TERF2IP: variants seen among roughly 807,000 people sequenced by gnomAD.
TERF2IP encodes the protein TERF2 interacting protein, also known as telomeric repeat-binding factor 2-interacting protein 1.
TERF2IP carries 35 observed loss-of-function variants against 33.3 expected under a neutral mutation model. That is an observed-to-expected ratio of 1.05 (90% CI 0.80 to 1.39). The LOEUF (loss-of-function observed/expected upper bound fraction) is 1.39, where lower values mean the gene tolerates loss of function less well. Among genes scored for constraint, TERF2IP ranks in the 40% most tolerant of loss-of-function variants. The pLI, the probability that TERF2IP is intolerant of heterozygous loss-of-function variation, is 0.00. For synonymous variants in TERF2IP, 253 were observed against 223.2 expected (o/e 1.13, Z -1.19); for missense variants, 583 against 524.8 (o/e 1.11, Z -1.08).
rs2082309895 is a variant in TERF2IP, at chr16:75,647,819, G to C, written c.-64G>C. ...GGCGTCTGCGGTGACAGCTCAGTCA[G>C]TTGAGCTCTGTGTGCCAGGCGCTCG... On this transcript the variant is annotated 5_prime_UTR_variant, in exon 1 of 3. Transcript: ENST00000300086. 6.3e-7 allele frequency: 1 copy of C among 1,590,130 alleles called. No individual in the cohort carries two copies. The highest frequency in any genetic ancestry group is 1.3e-5 in the African/African-American group (1 of 74,322).
chr16:75,656,563 A>G lies in TERF2IP; in HGVS notation c.1152A>G (p.Lys384=). Residue 384 remains lysine, a synonymous_variant, in exon 3 of 3, where the codon AAA becomes AAG. Coordinates refer to ENST00000300086, the MANE Select transcript of TERF2IP (RefSeq NM_018975.4). The part of the protein sequence containing the change: ...DEDTREALVK[K]FGAQNVARRI... ...ATACCAGAGAGGCATTGGTCAAAAA[A>G]TTTGGTGCTCAGAATGTAGCTCGGA... is the stretch of plus-strand genomic sequence containing the variant. The G allele has an allele frequency of 6.2e-7, 1 of 1,613,240 alleles. No homozygotes were observed. The highest frequency in any genetic ancestry group is 8.5e-7 in the Non-Finnish European group (1 of 1,179,552).
chr16:75,648,597 G>A (rs1264614008), intron 1 of TERF2IP, 45 bp downstream of exon 1: 2 of 1,476,544 alleles, frequency 1.4e-6, no homozygotes, highest in Non-Finnish European at 1.8e-6. Flanking sequence ...TGCGCGGGTG[G>A]GGTTGGGATC....
At position 75,648,553 on chromosome 16, in the gene TERF2IP, G is replaced by C. The variant is rs985541014; in HGVS notation, c.670+1G>C. The stretch of plus-strand genomic sequence containing the variant: ...GACCCGGAGGCCGCGGATAGCGGGG[G>C]TGAGGAGGCTGAGCGCGGGGCCTCG... On this transcript the variant is annotated splice_donor_variant, in intron 1 of 2. Coordinates refer to ENST00000300086, the MANE Select transcript of TERF2IP (RefSeq NM_018975.4). LOFTEE classifies it high-confidence loss of function. The C allele has an allele frequency of 6.3e-5, 97 of 1,547,470 alleles. No individual in the cohort carries two copies. The highest frequency in any genetic ancestry group is 8.4e-5 in the Non-Finnish European group (96 of 1,143,104).
At position 75,648,292 on chromosome 16, in the gene TERF2IP, C is replaced by T. The variant is rs1017889216; in HGVS notation, c.410C>T (p.Thr137Met). ...CGGCACGCCGGGCGGATCGCCTTCA[C>T]GGATGCGGACGACGTAGCCATCCTT... is the stretch of plus-strand genomic sequence containing the variant. ...PQRHAGRIAFTDADDVAILTY... is the reference protein window; with the variant it reads ...PQRHAGRIAFMDADDVAILTY... The change falls in exon 1 of 3, where the codon ACG becomes ATG. Residue 137 changes from threonine (T) to methionine (M), a missense_variant. Coordinates refer to ENST00000300086, the MANE Select transcript of TERF2IP (RefSeq NM_018975.4). The T allele has an allele frequency of 3.2e-6, 5 of 1,552,914 alleles. No individual in the cohort carries two copies. In the African/African-American group the frequency reaches 6.8e-5, roughly 21 times the overall value.
At chr16:75,653,100 C>CT (rs1042235805) in intron 1 of TERF2IP, among the ~76,000 whole-genome samples, 1 of 151,962 alleles carries the variant, frequency 6.6e-6, no homozygotes, top group Admixed American at 6.6e-5. Flanking sequence ...AATTTGATTC[C>CT]TTTTTAAAGG....
intron 1 of TERF2IP, among the ~76,000 whole-genome samples, chr16:75,649,006 C>T (rs926185013): frequency 6.6e-6 from 1 of 151,774 alleles, no homozygotes; most frequent in African/African-American, 2.4e-5. Flanking sequence ...GAACTACACT[C>T]CCGCGCCACC....
At position 75,648,246 on chromosome 16, in the gene TERF2IP, G is replaced by A; in HGVS notation, c.364G>A (p.Ala122Thr). 6.5e-7 allele frequency: 1 copy of A among 1,545,140 alleles called. No homozygotes were observed. The highest frequency in any genetic ancestry group is 8.7e-7 in the Non-Finnish European group (1 of 1,144,846). Residue 122 changes from alanine (A) to threonine (T), a missense_variant, in exon 1 of 3, where the codon GCC becomes ACC. Ala to Thr is a moderately conservative substitution (Grantham distance 58). Coordinates refer to ENST00000300086, the MANE Select transcript of TERF2IP (RefSeq NM_018975.4). ...AAAGCCCGGGGCCCTGGCCGAGGGC[G>A]CCGCGGAGCCGGAGCCGCAGCGGCA... ...EAKPGALAEGAAEPEPQRHAG... is the reference protein window; with the variant it reads ...EAKPGALAEGTAEPEPQRHAG...
chr16:75,648,637 G>T, intron 1 of TERF2IP, 85 bp downstream of exon 1: 2 of 1,446,080 alleles, frequency 1.4e-6, no homozygotes, highest in Admixed American at 2.7e-5. Flanking sequence ...GTCCATCTTG[G>T]CATCTTCGGT....
chr16:75,656,229 T>G lies in TERF2IP; in HGVS notation c.818T>G (p.Phe273Cys). 5 of 1,608,884 alleles carry G rather than the reference T, an allele frequency of 3.1e-6. No homozygotes were observed. Among genetic ancestry groups the G allele is most frequent in the Non-Finnish European group, 3.4e-6 (4 of 1,177,210 alleles). Residue 273 changes from phenylalanine to cysteine, a missense_variant, in exon 3 of 3, where the codon TTT becomes TGT. Phe to Cys is a radical substitution (Grantham distance 205, BLOSUM62 -2). Coordinates refer to ENST00000300086, the MANE Select transcript of TERF2IP (RefSeq NM_018975.4). ...EVVVDESPPD[F>C]EIHITMCDDD... Reference sequence around the variant, plus strand: ...TAGGTGGATGAGAGCCCTCCTGATTTTGAAATACATATAACTATGTGTGAT... The same window carrying G: ...TAGGTGGATGAGAGCCCTCCTGATTGTGAAATACATATAACTATGTGTGAT...
At position 75,648,233 on chromosome 16, in the gene TERF2IP, C is replaced by G; in HGVS notation, c.351C>G (p.Ala117=). Residue 117 remains alanine, a synonymous_variant, in exon 1 of 3, where the codon GCC becomes GCG. Transcript: ENST00000300086. ...CCGGCTCGGAAGCAAAGCCCGGGGC[C>G]CTGGCCGAGGGCGCCGCGGAGCCGG... ...ADTGSEAKPG[A]LAEGAAEPEP... 1 of 1,545,274 alleles carries G rather than the reference C, an allele frequency of 6.5e-7. No homozygotes were observed. The highest frequency in any genetic ancestry group is 8.7e-7 in the Non-Finnish European group (1 of 1,145,282).
chr16:75,649,251 A>C (rs8051113), intron 1 of TERF2IP, among the ~76,000 whole-genome samples: 4 of 152,150 alleles, frequency 2.6e-5, no homozygotes, highest in African/African-American at 9.7e-5. Context: ...GTATATAGAA[A>C]ATTCTCTCTT....
In TERF2IP at chr16:75,647,914, C is replaced by G. The variant is rs758701826; in HGVS notation, c.32C>G (p.Pro11Arg). 1 of 1,609,556 alleles carries G rather than the reference C, an allele frequency of 6.2e-7. No individual in the cohort carries two copies. The highest frequency in any genetic ancestry group is 1.1e-5 in the South Asian group (1 of 90,950). The change falls in exon 1 of 3, where the codon CCC becomes CGC. Residue 11 changes from proline to arginine, a missense_variant. Coordinates refer to ENST00000300086, the MANE Select transcript of TERF2IP (RefSeq NM_018975.4). ...GAGGCGATGGATTTGGGCAAAGACC[C>G]CAACGGGCCCACCCATTCCTCGACT... MAEAMDLGKD[P>R]NGPTHSSTLF...
intron 1 of TERF2IP, among the ~76,000 whole-genome samples, chr16:75,649,368 ATGCCG>A (rs1366659661): frequency 2.6e-5 from 4 of 152,256 alleles, no homozygotes; most frequent in Non-Finnish European, 5.9e-5. Flanking sequence ...ACATGGCGAA[ATGCCG>A]CCCCTACTAA....
rs138458227 is a variant in TERF2IP, at chr16:75,656,545, A to C, written c.1134A>C (p.Arg378Ser). ...TGCAAAAAGATGATGAGGATACCAG[A>C]GAGGCATTGGTCAAAAAATTTGGTG... ...IDLQKDDEDT[R>S]EALVKKFGAQ... Residue 378 changes from arginine (R) to serine (S), a missense_variant, in exon 3 of 3, where the codon AGA (arginine) becomes AGC (serine). Transcript: ENST00000300086. The C allele has an allele frequency of 9.0e-5, 146 of 1,613,684 alleles. No homozygotes were observed. Among genetic ancestry groups the C allele is most frequent in the Non-Finnish European group, 1.1e-4 (131 of 1,179,822 alleles).
intron 2 of TERF2IP, 81 bp from the exon 3 acceptor site, chr16:75,656,126 G>C: frequency 7.3e-7 from 1 of 1,377,160 alleles, no homozygotes; most frequent in Non-Finnish European, 9.9e-7. Flanking sequence ...GGGCAAGGGG[G>C]TGATAGTTGG....
chr16:75,648,637 G>C lies in TERF2IP; in HGVS notation c.670+85G>C, dbSNP rs961925987. The stretch of plus-strand genomic sequence containing the variant: ...TCCTGGCTGCCTGGCGTCCATCTTG[G>C]CATCTTCGGTAGCAGCGCTTGGCCC... On this transcript the variant is annotated intron_variant, in intron 1 of 2. Transcript: ENST00000300086. 2.8e-6 allele frequency: 4 copies of C among 1,445,962 alleles called. No individual in the cohort carries two copies. The African/African-American group carries it at 4.3e-5, about 15-fold the overall frequency. 89.6% of individuals were successfully genotyped at this position (1,445,962 alleles called of 1,614,324 possible).
At chr16:75,651,553 G>T (rs1367165802) in intron 1 of TERF2IP, among the ~76,000 whole-genome samples, 1 of 152,168 alleles carries the variant, frequency 6.6e-6, no homozygotes, top group Non-Finnish European at 1.5e-5. Context: ...TCCAGGCATG[G>T]TGGCATGCGC....
intron 2 of TERF2IP, among the ~76,000 whole-genome samples, chr16:75,654,686 A>C (rs1274125649): frequency 2.0e-5 from 3 of 152,210 alleles, no homozygotes; most frequent in African/African-American, 7.2e-5. Context: ...TCCCACTTTG[A>C]GTACTTTAAT....
In TERF2IP at chr16:75,656,605, G is replaced by C. The variant is rs1339312022; in HGVS notation, c.1194G>C (p.Lys398Asn). 6.3e-7 allele frequency: 1 copy of C among 1,589,856 alleles called. No individual in the cohort carries two copies. ...QNVARRIEFRKK is the reference protein window; with the variant it reads ...QNVARRIEFRNK ...TAGCTCGGAGGATTGAATTTCGAAA[G>C]AAATAATTGGCAAGATAATGAGAAA... Residue 398 changes from lysine to asparagine, a missense_variant, in exon 3 of 3, where the codon AAG (lysine) becomes AAC (asparagine). Transcript: ENST00000300086.
Sources: allele counts gnomAD v4.1 joint callset (sites outside exome capture counted in the v4.1 genomes callset), GRCh38; gene constraint gnomAD v4.1.1; transcripts MANE v1.5; gene names NCBI Gene and HGNC (gene_info 2026-07-23, HGNC 2026-07-21).